CAMK1D: variants seen among roughly 807,000 people sequenced by gnomAD.
The protein encoded by CAMK1D is calcium/calmodulin dependent protein kinase ID.
A neutral mutation model predicts 47.7 loss-of-function variants in CAMK1D; 9 were observed. The observed-to-expected ratio is 0.19, with a 90% confidence interval of 0.11 to 0.33. The LOEUF (loss-of-function observed/expected upper bound fraction) is 0.33, where lower values mean the gene tolerates loss of function less well. Ranked by LOEUF, CAMK1D falls within the 10% of genes least tolerant of loss-of-function variation. The pLI is 1.00. For synonymous variants in CAMK1D, 184 were observed against 184.9 expected (o/e 0.99, Z 0.04); for missense variants, 291 against 488.7 (o/e 0.60, Z 3.81).
At chr10:12,742,846 T>A (rs1835494849) in intron 3 of CAMK1D, among the ~76,000 whole-genome samples, 1 of 152,196 alleles carries the variant, frequency 6.6e-6, no homozygotes, top group South Asian at 2.1e-4. Context: ...AAGAGCTCCA[T>A]GCTTTAGAGT....
rs1833618969 is a variant in CAMK1D at position 12,467,253 on chromosome 10, A to AGTGATT, written c.93-85971_93-85970insTGATTG. Among the ~76,000 whole-genome samples the AGTGATT allele has an allele frequency of 4.0e-5, 5 of 124,618 alleles. No individual in the cohort carries two copies. In the South Asian group the frequency reaches 1.4e-3, roughly 35 times the overall value. 81.8% of individuals were successfully genotyped at this position (124,618 alleles called of 152,430 possible). On this transcript the variant is annotated intron_variant, in intron 1 of 10. Transcript: ENST00000619168. ...CTGCAACCTCTGCCTCCCGGGTTCA[A>AGTGATT]GCGATTGTCCTGCCTCAGCCCCCCG...
intron 2 of CAMK1D, among the ~76,000 whole-genome samples, chr10:12,575,216 G>C (rs112165233): frequency 1.3e-5 from 2 of 151,866 alleles, no homozygotes; most frequent in African/African-American, 4.8e-5. Flanking sequence ...CCTCAGCCTC[G>C]CAAGTAGCTG....
At chr10:12,722,086 A>G (rs1176025938) in intron 3 of CAMK1D, among the ~76,000 whole-genome samples, 2 of 151,808 alleles carry the variant, frequency 1.3e-5, no homozygotes, top group Non-Finnish European at 2.9e-5. Context: ...CATTCCTAAC[A>G]CCATCACCTT....
rs574962988 is a variant in CAMK1D at position 12,574,432 on chromosome 10, G to C, written c.224+21076G>C. ...TTCTCATGCCTCAGCCTCCTGAGTA[G>C]CTGGGATTACAGGTGCACACCACCA... On this transcript the variant is annotated intron_variant, in intron 2 of 10. Transcript: ENST00000619168. Among the ~76,000 whole-genome samples, 37 of 147,010 alleles carry C rather than the reference G, an allele frequency of 2.5e-4. 1 individual carries two copies. The highest frequency in any genetic ancestry group is 2.4e-4 in the Non-Finnish European group (16 of 67,342).
At chr10:12,636,645 C>T (rs541449799) in intron 2 of CAMK1D, among the ~76,000 whole-genome samples, 1 of 152,108 alleles carries the variant, frequency 6.6e-6, no homozygotes, top group Non-Finnish European at 1.5e-5. Flanking sequence ...CAGTTTTCGC[C>T]AATGAGGAAA....
intron 1 of CAMK1D, among the ~76,000 whole-genome samples, chr10:12,490,153 G>A (rs900857284): frequency 1.3e-5 from 2 of 152,160 alleles, no homozygotes; most frequent in Non-Finnish European, 2.9e-5. Flanking sequence ...AGAGCAACTC[G>A]CCCCCTCTAC....
intron 1 of CAMK1D, among the ~76,000 whole-genome samples, chr10:12,517,175 T>G (rs566746845): frequency 3.3e-5 from 5 of 152,220 alleles, no homozygotes; most frequent in African/African-American, 1.2e-4. Context: ...AATTTTTATT[T>G]CCAATTGTTC....
chr10:12,707,402 A>T (rs1160379643), intron 3 of CAMK1D, among the ~76,000 whole-genome samples: 1 of 152,198 alleles, frequency 6.6e-6, no homozygotes, highest in Non-Finnish European at 1.5e-5. Context: ...TTGAGTTCTC[A>T]CTTAGTAATC....
Position 12,769,708 on chromosome 10 carries a change from G to C in CAMK1D, c.474G>C (p.Glu158Asp). Residue 158 changes from glutamate to aspartate, a missense_variant, in exon 5 of 11, where the codon GAG becomes GAC. Glu to Asp is a conservative substitution (Grantham distance 45, BLOSUM62 2). This residue lies in a region of CAMK1D where 219 missense variants were observed against 424.3 expected (regional missense o/e 0.52). Coordinates refer to ENST00000619168, the MANE Select transcript of CAMK1D (RefSeq NM_153498.4). ...TCTTGTACTACAGTCAAGATGAGGA[G>C]TCCAAAATAATGATCAGTGACTTTG... ...ENLLYYSQDE[E>D]SKIMISDFGL... The C allele has an allele frequency of 6.2e-7, 1 of 1,614,126 alleles. No individual in the cohort carries two copies. The highest frequency in any genetic ancestry group is 2.2e-5 in the East Asian group (1 of 44,888).
At chr10:12,395,144 T>C (rs1041035675) in intron 1 of CAMK1D, among the ~76,000 whole-genome samples, 1 of 145,894 alleles carries the variant, frequency 6.9e-6, no homozygotes, top group Non-Finnish European at 1.5e-5. Context: ...CGATCATAGC[T>C]AACTGCAGCC....
chr10:12,564,341 T>C (rs1348754685), intron 2 of CAMK1D, among the ~76,000 whole-genome samples: 1 of 152,116 alleles, frequency 6.6e-6, no homozygotes, highest in Non-Finnish European at 1.5e-5. Context: ...AGCTTTATGT[T>C]GTGTCCGTTC....
chr10:12,804,956 A>AAAG (rs1838655754), intron 6 of CAMK1D, among the ~76,000 whole-genome samples: 3 of 150,534 alleles, frequency 2.0e-5, no homozygotes, highest in African/African-American at 2.4e-5. Context: ...AAAAAAAAAA[A>AAAG]AAAAGATACA....
chr10:12,351,027 G>C (rs1837339500), intron 1 of CAMK1D, among the ~76,000 whole-genome samples: 1 of 152,198 alleles, frequency 6.6e-6, no homozygotes, highest in African/African-American at 2.4e-5. Flanking sequence ...TTTTGTGCTT[G>C]GTTTCTTTTT....
At chr10:12,474,976 C>T (rs1269513383) in intron 1 of CAMK1D, among the ~76,000 whole-genome samples, 1 of 151,682 alleles carries the variant, frequency 6.6e-6, no homozygotes, top group African/African-American at 2.4e-5. Context: ...GCATATGTAA[C>T]ACATTTTCTT....
chr10:12,637,965 C>T (rs1020247526), intron 2 of CAMK1D, among the ~76,000 whole-genome samples: 4 of 152,176 alleles, frequency 2.6e-5, no homozygotes, highest in African/African-American at 7.2e-5. Flanking sequence ...ATCCACAGCC[C>T]GGCCCGGTAG....
intron 1 of CAMK1D, among the ~76,000 whole-genome samples, chr10:12,546,820 G>C (rs1296626929): frequency 6.6e-6 from 1 of 150,428 alleles, no homozygotes; most frequent in Non-Finnish European, 1.5e-5. Context: ...TGGGGTGGGG[G>C]TGGGGGAGGG....
At chr10:12,765,597 C>G (rs575231380) in intron 4 of CAMK1D, among the ~76,000 whole-genome samples, 1 of 152,356 alleles carries the variant, frequency 6.6e-6, no homozygotes, top group Non-Finnish European at 1.5e-5. Flanking sequence ...GTGATCTCAT[C>G]AGATCCCTAA....
rs377252151 is a variant in CAMK1D at position 12,816,211 on chromosome 10, G to A, written c.755-39G>A. 3.2e-5 allele frequency: 50 copies of A among 1,571,662 alleles called. 1 individual carries two copies. In the African/African-American group the frequency reaches 4.0e-4, roughly 13 times the overall value. On this transcript the variant is annotated intron_variant, in intron 7 of 10. Transcript: ENST00000619168. ...GGATCATATTGTCACATCTCAAGTC[G>A]CAAAGTGATTCCTTCCCTTGTGCCT...
chr10:12,559,516 T>C (rs1483335806), intron 2 of CAMK1D, among the ~76,000 whole-genome samples: 1 of 152,062 alleles, frequency 6.6e-6, no homozygotes, highest in Non-Finnish European at 1.5e-5. Context: ...GTATGATGAC[T>C]AGGAGTGTGG....
Sources: gnomAD v4.1 joint callset for allele counts (sites outside exome capture counted in the v4.1 genomes callset) on GRCh38, gnomAD v4.1.1 for gene constraint, gnomAD v4.1.1 regional missense constraint, MANE v1.5 for transcripts, NCBI Gene and HGNC (gene_info 2026-07-23, HGNC 2026-07-21) for gene names.